Variants in NXPE2 observed in about 807,000 individuals in gnomAD.
NXPE2 encodes NXPE family member 2.
In NXPE2, 34 loss-of-function variants were observed where a neutral mutation model predicts 34.4. That is an observed-to-expected ratio of 0.99 (90% CI 0.75 to 1.31). The LOEUF is 1.31. NXPE2 is among the 40% of genes most tolerant of loss of function. The probability of loss-of-function intolerance (pLI) is 0.00; values close to 1 mark genes in which losing one functional copy is unlikely to be tolerated. For missense variants in NXPE2, 649 were observed against 672.5 expected, an observed-to-expected ratio of 0.97 and a Z score of 0.39; for synonymous variants, 235 against 231.3, an observed-to-expected ratio of 1.02 and a Z score of -0.15.
At chr11:114,794,851 G>GCC in the NXPE2 span, among the ~76,000 whole-genome samples, 14,339 of 124,648 alleles carry the variant, frequency 0.12, 544 homozygotes, top group East Asian at 0.18. Flanking sequence ...TTGCACCCCC[G>GCC]CCCCCCCCAA....
rs1185758434 is a variant in NXPE2 at position 114,706,656 on chromosome 11, T to C, written c.1406T>C (p.Ile469Thr). 1.3e-6 allele frequency: 2 copies of C among 1,551,980 alleles called. No homozygotes were observed. Among genetic ancestry groups the C allele is most frequent in the South Asian group, 2.4e-5 (2 of 84,064 alleles). ...ATTTTCATCCGTAGGGCCATCAATATTCAAAAGGCCATTGAACGTCTATTC... is the reference window on the plus strand; with the variant it reads ...ATTTTCATCCGTAGGGCCATCAATACTCAAAAGGCCATTGAACGTCTATTC... ...INIFIRRAIN[I>T]QKAIERLFLR... is the part of the protein sequence containing the mutation. Residue 469 changes from isoleucine (I) to threonine (T), a missense_variant, in exon 6 of 6, where the codon ATT becomes ACT. Transcript: ENST00000389586.
chr11:114,610,688 C>A, the NXPE2 span, among the ~76,000 whole-genome samples: 1 of 151,768 alleles, frequency 6.6e-6, no homozygotes. Flanking sequence ...CGTGGTTAAC[C>A]ACTGTTACCC....
At chr11:114,735,437 G>A in the NXPE2 span, among the ~76,000 whole-genome samples, 1 of 152,014 alleles carries the variant, frequency 6.6e-6, no homozygotes, top group East Asian at 1.9e-4. Context: ...GAAATCACTA[G>A]CTATGAGAAT....
At chr11:114,739,280 TTTCCTTCCTTCCTTCC>T in the NXPE2 span, among the ~76,000 whole-genome samples, 2,621 of 96,820 alleles carry the variant, frequency 0.027, 116 homozygotes, top group African/African-American at 0.073. Context: ...TTGCCATTAT[TTTCCTTCCTTCCTTCC>T]TTCCTTCCTT....
the NXPE2 span, among the ~76,000 whole-genome samples, chr11:114,625,606 T>A: frequency 6.6e-6 from 1 of 152,166 alleles, no homozygotes; most frequent in African/African-American, 2.4e-5. Context: ...TGGTGGATAA[T>A]AAATATTGCC....
the NXPE2 span, among the ~76,000 whole-genome samples, chr11:114,466,267 C>G: frequency 6.6e-6 from 1 of 152,184 alleles, no homozygotes; most frequent in African/African-American, 2.4e-5. Flanking sequence ...TTCTGTAACT[C>G]TCTACTCTTC....
At chr11:114,533,639 T>C in the NXPE2 span, among the ~76,000 whole-genome samples, 4 of 152,220 alleles carry the variant, frequency 2.6e-5, no homozygotes, top group African/African-American at 9.6e-5. Context: ...GGAGATTATA[T>C]CCCGCACCTG....
chr11:114,776,029 A>C, the NXPE2 span, among the ~76,000 whole-genome samples: 1 of 152,182 alleles, frequency 6.6e-6, no homozygotes, highest in Non-Finnish European at 1.5e-5. Flanking sequence ...TATGACCCAA[A>C]CACCTCTCCT....
At chr11:114,560,804 G>T in the NXPE2 span, among the ~76,000 whole-genome samples, 2 of 152,038 alleles carry the variant, frequency 1.3e-5, no homozygotes, top group Non-Finnish European at 2.9e-5. Context: ...CTAACCCCTG[G>T]TCACCACTGG....
At chr11:114,726,261 T>C in the NXPE2 span, among the ~76,000 whole-genome samples, 3 of 152,010 alleles carry the variant, frequency 2.0e-5, no homozygotes, top group Non-Finnish European at 4.4e-5. Flanking sequence ...TTATGTTATA[T>C]GCCAGTCTTT....
the NXPE2 span, among the ~76,000 whole-genome samples, chr11:114,638,844 C>T: frequency 6.6e-6 from 1 of 151,900 alleles, no homozygotes; most frequent in Non-Finnish European, 1.5e-5. Flanking sequence ...CAGTGGAGTA[C>T]CCAGCCGTGT....
chr11:114,637,995 A>G, the NXPE2 span, among the ~76,000 whole-genome samples: 1 of 151,410 alleles, frequency 6.6e-6, no homozygotes, highest in Non-Finnish European at 1.5e-5. Flanking sequence ...TATTTCCTGA[A>G]TCTGAACGTT....
At chr11:114,805,824 C>T in the NXPE2 span, among the ~76,000 whole-genome samples, 177 of 152,342 alleles carry the variant, frequency 1.2e-3, 5 homozygotes, top group East Asian at 0.025. Flanking sequence ...AAATGTCCCT[C>T]TCTGACAGCT....
chr11:114,506,112 T>TAA, the NXPE2 span, among the ~76,000 whole-genome samples: 35 of 134,460 alleles, frequency 2.6e-4, no homozygotes, highest in African/African-American at 4.3e-4. Context: ...CAAGAAATAT[T>TAA]AAAAAAAAAA....
chr11:114,561,044 T>G, the NXPE2 span, among the ~76,000 whole-genome samples: 15 of 152,346 alleles, frequency 9.8e-5, no homozygotes, highest in African/African-American at 3.4e-4. Flanking sequence ...CCTTCATATT[T>G]GTCATGTGAC....
chr11:114,732,250 T>G, the NXPE2 span, among the ~76,000 whole-genome samples: 1 of 152,234 alleles, frequency 6.6e-6, no homozygotes, highest in Non-Finnish European at 1.5e-5. Flanking sequence ...GTTCCCTCCC[T>G]TGCAACAAAT....
Position 114,698,035 on chromosome 11 carries a change from A to G in NXPE2, c.133-10A>G, listed in dbSNP as rs1020500796. 1 of 1,466,856 alleles carries G rather than the reference A, an allele frequency of 6.8e-7. No homozygotes were observed. Among genetic ancestry groups the G allele is most frequent in the African/African-American group, 1.4e-5 (1 of 70,386 alleles). 90.9% of individuals were successfully genotyped at this position (1,466,856 alleles called of 1,614,324 possible). A position where few individuals can be genotyped will look rare whatever the true frequency, so the allele number is the denominator to read the frequency against. ...CTGATGATATTTTCTTTTCCCTTTC[A>G]ATATTTCAGTTCTCGTTCAACTTGG... On this transcript the variant is annotated splice_polypyrimidine_tract_variant and intron_variant, in intron 2 of 5. Coordinates refer to ENST00000389586, the MANE Select transcript of NXPE2 (RefSeq NM_182495.6).
the NXPE2 span, among the ~76,000 whole-genome samples, chr11:114,751,204 A>G: frequency 6.6e-6 from 1 of 152,190 alleles, no homozygotes; most frequent in African/African-American, 2.4e-5. Context: ...AGAATTAGCT[A>G]TGTGGTCCCA....
the NXPE2 span, among the ~76,000 whole-genome samples, chr11:114,523,543 T>C: frequency 6.6e-6 from 1 of 152,184 alleles, no homozygotes; most frequent in African/African-American, 2.4e-5. Flanking sequence ...AATATGTACA[T>C]TAAATATAAA....
Sources: allele counts gnomAD v4.1 joint callset (sites outside exome capture counted in the v4.1 genomes callset), GRCh38; gene constraint gnomAD v4.1.1; transcripts MANE v1.5; gene names NCBI Gene and HGNC (gene_info 2026-07-23, HGNC 2026-07-21).